The following TCEANC2 variants were observed in gnomAD, a reference collection of about 807,000 sequenced individuals.
TCEANC2 encodes transcription elongation factor A N-terminal and central domain-containing protein 2.
A neutral mutation model predicts 22.8 loss-of-function variants in TCEANC2; 20 were observed. The ratio of observed to expected loss-of-function variants is 0.88; its 90% confidence interval spans 0.62 to 1.28. The LOEUF (loss-of-function observed/expected upper bound fraction) is 1.28. TCEANC2 is among the 50% of genes most tolerant of loss of function. The pLI is 0.00. For missense variants in TCEANC2, 251 were observed against 249.7 expected, an observed-to-expected ratio of 1.01 and a Z score of -0.03; for synonymous variants, 84 against 95.5, an observed-to-expected ratio of 0.88 and a Z score of 0.70.
intron 2 of TCEANC2, among the ~76,000 whole-genome samples, chr1:54,066,585 A>G (rs1417227980): frequency 6.6e-6 from 1 of 152,264 alleles, no homozygotes; most frequent in African/African-American, 2.4e-5. Context: ...AAACTGCCTA[A>G]TAGGGGAATA....
At chr1:54,072,684 C>T (rs1038527740) in intron 3 of TCEANC2, among the ~76,000 whole-genome samples, 50 of 152,098 alleles carry the variant, frequency 3.3e-4, no homozygotes, top group Admixed American at 2.9e-3. Context: ...CGTGAGCCAT[C>T]GGCCTTGGCC....
chr1:54,064,523 T>A (rs1657912033), intron 2 of TCEANC2, among the ~76,000 whole-genome samples: 2 of 152,038 alleles, frequency 1.3e-5, no homozygotes, highest in African/African-American at 4.8e-5. Flanking sequence ...CTGCAACCAG[T>A]ATGATTGGTT....
intron 4 of TCEANC2, among the ~76,000 whole-genome samples, chr1:54,091,358 G>T (rs998166213): frequency 1.3e-5 from 2 of 152,176 alleles, no homozygotes; most frequent in African/African-American, 2.4e-5. Context: ...CCAATGTTGA[G>T]TGCGTTCAAA....
intron 2 of TCEANC2, among the ~76,000 whole-genome samples, chr1:54,064,141 C>T (rs970479477): frequency 6.6e-6 from 1 of 152,008 alleles, no homozygotes; most frequent in Non-Finnish European, 1.5e-5. Flanking sequence ...ATTACAAAGT[C>T]TATAAGAAAA....
chr1:54,094,240 C>T (rs911547459), intron 4 of TCEANC2, among the ~76,000 whole-genome samples: 1 of 152,168 alleles, frequency 6.6e-6, no homozygotes, highest in African/African-American at 2.4e-5. Flanking sequence ...TCCTGTTCTG[C>T]TCTTTGCTTG....
At chr1:54,059,717 A>G (rs1238607006) in intron 2 of TCEANC2, among the ~76,000 whole-genome samples, 7 of 152,166 alleles carry the variant, frequency 4.6e-5, no homozygotes, top group African/African-American at 1.7e-4. Flanking sequence ...GGACTGTAAT[A>G]TCTTATTATG....
chr1:54,054,702 C>A (rs958239003), intron 2 of TCEANC2, among the ~76,000 whole-genome samples, 178 bp downstream of exon 2: 1 of 152,218 alleles, frequency 6.6e-6, no homozygotes. Context: ...TTATAAATTT[C>A]TGCACACCCC....
At chr1:54,084,022 T>A (rs1317917086) in intron 3 of TCEANC2, among the ~76,000 whole-genome samples, 1 of 67,824 alleles carries the variant, frequency 1.5e-5, no homozygotes, top group Non-Finnish European at 3.3e-5. Flanking sequence ...TTTGTCGGGT[T>A]TTTTTTTTTT....
intron 4 of TCEANC2, among the ~76,000 whole-genome samples, chr1:54,091,875 C>T (rs925913630): frequency 1.3e-5 from 2 of 152,108 alleles, no homozygotes; most frequent in African/African-American, 4.8e-5. Flanking sequence ...CCTATTATGT[C>T]ATTTAAAAAA....
intron 2 of TCEANC2, among the ~76,000 whole-genome samples, chr1:54,055,546 T>C (rs1368947891): frequency 1.3e-5 from 2 of 152,230 alleles, no homozygotes; most frequent in African/African-American, 2.4e-5. Context: ...TCACATTTTA[T>C]GTATTTGGCC....
downstream of TCEANC2, among the ~76,000 whole-genome samples, chr1:54,110,156 C>T (rs1432066837): frequency 1.3e-5 from 2 of 152,196 alleles, no homozygotes; most frequent in Non-Finnish European, 2.9e-5. Context: ...TGTGACCCCA[C>T]CCCTTAATCT....
chr1:54,056,508 G>T (rs1569988845), intron 2 of TCEANC2, among the ~76,000 whole-genome samples: 1 of 151,890 alleles, frequency 6.6e-6, no homozygotes, highest in East Asian at 2.0e-4. Flanking sequence ...TGTATTTTTA[G>T]TAGAGATGGG....
At chr1:54,106,570 C>A (rs10788972), downstream of TCEANC2, among the ~76,000 whole-genome samples, 85,351 of 151,980 alleles carry the variant, frequency 0.56, 26,599 homozygotes, top group African/African-American at 0.84. Flanking sequence ...GGCTAATTAC[C>A]TTTTCAAGTG....
At chr1:54,058,601 G>A (rs975548737) in intron 2 of TCEANC2, among the ~76,000 whole-genome samples, 12 of 152,122 alleles carry the variant, frequency 7.9e-5, no homozygotes, top group African/African-American at 2.9e-4. Flanking sequence ...ATACCTTGTA[G>A]CCCCTGCTTT....
In TCEANC2 at chr1:54,103,758, C is replaced by A. The variant is rs1658700293; in HGVS notation, c.*7285C>A. On this transcript the variant is annotated 3_prime_UTR_variant, in exon 5 of 5. Coordinates refer to ENST00000234827, the MANE Select transcript of TCEANC2 (RefSeq NM_153035.3). Reference sequence around the variant, plus strand: ...GGAAGTTGGCTATATTAAACCCTGTCTACCCTGGAAAGAGCTGTGATTCAT... The same window carrying A: ...GGAAGTTGGCTATATTAAACCCTGTATACCCTGGAAAGAGCTGTGATTCAT... 1 of 152,244 alleles carries A rather than the reference C, an allele frequency of 6.6e-6. No individual in the cohort carries two copies. The highest frequency in any genetic ancestry group is 6.5e-5 in the Admixed American group (1 of 15,278). 9.4% of individuals were successfully genotyped at this position (152,244 alleles called of 1,614,324 possible).
intron 3 of TCEANC2, among the ~76,000 whole-genome samples, chr1:54,075,872 G>A (rs1264954872): frequency 1.3e-5 from 2 of 151,880 alleles, no homozygotes. Flanking sequence ...AAATTAGCTG[G>A]GTGTGGTTGT....
intron 2 of TCEANC2, among the ~76,000 whole-genome samples, chr1:54,061,433 G>A (rs1422486331): frequency 1.3e-5 from 2 of 152,196 alleles, no homozygotes; most frequent in Non-Finnish European, 2.9e-5. Flanking sequence ...TATGGAAAAG[G>A]AGGGGCTTGT....
rs1003050035 is a variant in TCEANC2, at chr1:54,100,212, T to G, written c.*3739T>G. On this transcript the variant is annotated 3_prime_UTR_variant, in exon 5 of 5. Transcript: ENST00000234827. ...GAGATGGCGCCATTGCACTCCAGCC[T>G]GGGCGACAGAGCAAGACTCACCTCA... The G allele has an allele frequency of 6.6e-6, 1 of 152,224 alleles. No individual in the cohort carries two copies. The highest frequency in any genetic ancestry group is 2.4e-5 in the African/African-American group (1 of 41,426). 9.4% of individuals were successfully genotyped at this position (152,224 alleles called of 1,614,324 possible). A position where few individuals can be genotyped will look rare whatever the true frequency, so the allele number is the denominator to read the frequency against.
At chr1:54,107,821 G>A (rs1658781717), downstream of TCEANC2, among the ~76,000 whole-genome samples, 1 of 152,116 alleles carries the variant, frequency 6.6e-6, no homozygotes, top group Non-Finnish European at 1.5e-5. Context: ...CCTTTGAGTA[G>A]GATAATCATT....
Sources: allele counts gnomAD v4.1 joint callset (sites outside exome capture counted in the v4.1 genomes callset), GRCh38; gene constraint gnomAD v4.1.1; transcripts MANE v1.5; gene names NCBI Gene and HGNC (gene_info 2026-07-23, HGNC 2026-07-21).